Variants in SUMF1 observed in about 807,000 individuals in gnomAD.
SUMF1 encodes the protein formylglycine-generating enzyme.
Under a neutral mutation model 47.6 loss-of-function variants are expected in SUMF1, and 48 were observed. The ratio of observed to expected loss-of-function variants is 1.01; its 90% confidence interval spans 0.80 to 1.28. The LOEUF (loss-of-function observed/expected upper bound fraction) is 1.28, where lower values mean the gene tolerates loss of function less well. SUMF1 is among the 50% of genes most tolerant of loss of function. SUMF1 has a pLI of 0.00. For synonymous variants in SUMF1, 230 were observed against 192.1 expected (o/e 1.20, Z -1.63); for missense variants, 571 against 485.4 (o/e 1.18, Z -1.66).
At chr3:4,304,364 A>T (rs1370794636) in intron 8 of SUMF1, among the ~76,000 whole-genome samples, 2 of 151,914 alleles carry the variant, frequency 1.3e-5, no homozygotes, top group African/African-American at 4.8e-5. Flanking sequence ...CTGGTCTCGA[A>T]CTCCCAACCT....
At chr3:4,159,328 C>T (rs143597109) in intron 8 of SUMF1, among the ~76,000 whole-genome samples, 8 of 149,620 alleles carry the variant, frequency 5.3e-5, no homozygotes, top group Admixed American at 4.6e-4. Context: ...TTGAGGTTAC[C>T]ATGAAGCTTG....
chr3:4,404,529 G>T (rs866445212), intron 7 of SUMF1, among the ~76,000 whole-genome samples: 2 of 152,138 alleles, frequency 1.3e-5, no homozygotes, highest in Admixed American at 1.3e-4. Context: ...AGGCTGAGGC[G>T]GGTGAATCAC....
At chr3:4,328,228 AAT>A (rs1414990688) in intron 8 of SUMF1, among the ~76,000 whole-genome samples, 1 of 152,090 alleles carries the variant, frequency 6.6e-6, no homozygotes, top group East Asian at 1.9e-4. Flanking sequence ...AAAATAAATA[AAT>A]ATAAATTTAA....
intron 8 of SUMF1, among the ~76,000 whole-genome samples, chr3:4,285,307 G>A (rs1559651361): frequency 1.3e-5 from 2 of 152,108 alleles, no homozygotes; most frequent in African/African-American, 4.8e-5. Flanking sequence ...CTTAGAATGA[G>A]TATCTTTACA....
At chr3:4,438,322 T>C (rs911348967) in intron 3 of SUMF1, among the ~76,000 whole-genome samples, 1 of 152,164 alleles carries the variant, frequency 6.6e-6, no homozygotes, top group Non-Finnish European at 1.5e-5. Flanking sequence ...TAAACTCTAA[T>C]GAGGCTCCTC....
intron 8 of SUMF1, among the ~76,000 whole-genome samples, chr3:4,211,609 C>T (rs1281001766): frequency 6.6e-6 from 1 of 152,126 alleles, no homozygotes; most frequent in South Asian, 2.1e-4. Context: ...AAAACATAGA[C>T]AAGTTCAACT....
chr3:4,322,188 T>A (rs1038173184), intron 8 of SUMF1, among the ~76,000 whole-genome samples: 1 of 152,120 alleles, frequency 6.6e-6, no homozygotes, highest in Non-Finnish European at 1.5e-5. Flanking sequence ...CTGGATGAGA[T>A]ACTAGAACCA....
chr3:4,273,776 G>C (rs1433320393), intron 8 of SUMF1, among the ~76,000 whole-genome samples: 1 of 89,494 alleles, frequency 1.1e-5, no homozygotes, highest in East Asian at 4.9e-4. Context: ...GGATACGGGA[G>C]GGGAGGATAC....
intron 8 of SUMF1, among the ~76,000 whole-genome samples, chr3:4,106,273 G>A (rs949798741): frequency 2.0e-5 from 3 of 151,988 alleles, no homozygotes; most frequent in Non-Finnish European, 4.4e-5. Flanking sequence ...GTAAACATTG[G>A]CCTAAAGAAA....
chr3:4,136,378 C>G (rs1693932492), intron 8 of SUMF1, among the ~76,000 whole-genome samples: 1 of 152,082 alleles, frequency 6.6e-6, no homozygotes, highest in Non-Finnish European at 1.5e-5. Flanking sequence ...GGAAAGGACT[C>G]CCTATTTAAT....
chr3:4,303,642 G>T (rs1698047345), intron 8 of SUMF1: 16 of 1,423,930 alleles, frequency 1.1e-5, no homozygotes, highest in Non-Finnish European at 1.5e-5. Context: ...CTCTTACAGC[G>T]CACCCGTTGG....
intron 8 of SUMF1, among the ~76,000 whole-genome samples, chr3:4,096,022 G>A (rs1222771297): frequency 3.9e-5 from 6 of 152,090 alleles, no homozygotes; most frequent in Non-Finnish European, 8.8e-5. Flanking sequence ...TGGGATTATG[G>A]TGGTCACAGG....
chr3:4,157,109 T>C (rs912569594), intron 8 of SUMF1, among the ~76,000 whole-genome samples: 2 of 151,566 alleles, frequency 1.3e-5, no homozygotes, highest in Non-Finnish European at 2.9e-5. Flanking sequence ...ATAATCCCCT[T>C]ACCCTCAGAT....
At chr3:4,282,676 T>C (rs1697553792) in intron 8 of SUMF1, among the ~76,000 whole-genome samples, 1 of 152,232 alleles carries the variant, frequency 6.6e-6, no homozygotes, top group African/African-American at 2.4e-5. Flanking sequence ...CAGTCAATTC[T>C]TATTTAGAGA....
intron 8 of SUMF1, among the ~76,000 whole-genome samples, chr3:4,300,133 G>A (rs142573171): frequency 5.9e-5 from 9 of 152,232 alleles, no homozygotes; most frequent in South Asian, 2.1e-4. Context: ...CCATCCCCTC[G>A]GTGCTGTCAT....
intron 8 of SUMF1, among the ~76,000 whole-genome samples, chr3:4,143,992 T>TC (rs1694135770): frequency 6.7e-6 from 1 of 149,518 alleles, no homozygotes; most frequent in African/African-American, 2.5e-5. Flanking sequence ...CTCTCTCTTT[T>TC]TTTTTTTTTT....
At chr3:4,303,617 G>A in intron 8 of SUMF1, 4 of 1,379,232 alleles carry the variant, frequency 2.9e-6, no homozygotes, top group Non-Finnish European at 3.7e-6. Context: ...CCTCCCAGTC[G>A]CGACCTTTTG....
intron 8 of SUMF1, among the ~76,000 whole-genome samples, chr3:4,227,228 C>G (rs77351358): frequency 2.0e-5 from 3 of 152,120 alleles, no homozygotes; most frequent in African/African-American, 7.2e-5. Context: ...CTTGACCATT[C>G]AAGTCATTCA....
Position 4,172,625 on chromosome 3 carries a change from T to C in SUMF1, c.1015-103880A>G, listed in dbSNP as rs187501161. On this transcript the variant is annotated intron_variant and NMD_transcript_variant, in intron 8 of 12. Transcript: ENST00000448413. ...GCTAAGAATAAGTTTCATATGTTTGTTGGCTGCAGAAATGTCTTCTTTTGA... is the reference window on the plus strand; with the variant it reads ...GCTAAGAATAAGTTTCATATGTTTGCTGGCTGCAGAAATGTCTTCTTTTGA... 3.3e-5 allele frequency among the ~76,000 whole-genome samples: 5 copies of C among 152,348 alleles called. No individual in the cohort carries two copies. In the East Asian group the frequency reaches 7.7e-4, roughly 23 times the overall value.
Sources: allele counts gnomAD v4.1 joint callset (sites outside exome capture counted in the v4.1 genomes callset), GRCh38; gene constraint gnomAD v4.1.1; transcripts MANE v1.5; gene names NCBI Gene and HGNC (gene_info 2026-07-23, HGNC 2026-07-21).